The following ADAM10 variants were observed in gnomAD, a reference collection of about 807,000 sequenced individuals.
ADAM10 encodes the protein disintegrin and metalloproteinase domain-containing protein 10.
A neutral mutation model predicts 90.1 loss-of-function variants in ADAM10; 17 were observed. The ratio of observed to expected loss-of-function variants is 0.19; its 90% confidence interval spans 0.13 to 0.28. The LOEUF (loss-of-function observed/expected upper bound fraction) is 0.28. Among genes scored for constraint, ADAM10 ranks in the 10% least tolerant of loss-of-function variants. The probability of loss-of-function intolerance (pLI) is 1.00; values close to 1 mark genes in which losing one functional copy is unlikely to be tolerated. For missense variants in ADAM10, 610 were observed against 914.3 expected (o/e 0.67, Z 4.29); for synonymous variants, 310 against 298.6 (o/e 1.04, Z -0.40).
chr15:58,648,923 C>T (rs1896619915), intron 5 of ADAM10, among the ~76,000 whole-genome samples: 1 of 152,040 alleles, frequency 6.6e-6, no homozygotes, highest in African/African-American at 2.4e-5. Context: ...ACATCTTGTG[C>T]TGTTTTACTT....
chr15:58,640,919 G>C lies in ADAM10; in HGVS notation c.870C>G (p.Phe290Leu). Residue 290 changes from phenylalanine (F) to leucine (L), a missense_variant, in exon 8 of 16, where the codon TTC becomes TTG. Phe to Leu is a conservative substitution (Grantham distance 22). Coordinates refer to ENST00000260408, the MANE Select transcript of ADAM10 (RefSeq NM_001110.4). ...TCTCCACACCAATATTTGGGAAACG[G>C]AAAGGATTTGTAGGGTCCTTCTCAT... Reference protein sequence around the residue: ...TADEKDPTNPFRFPNIGVEKF... With the variant: ...TADEKDPTNPLRFPNIGVEKF... 1 of 1,614,088 alleles carries C rather than the reference G, an allele frequency of 6.2e-7. No individual in the cohort carries two copies. The highest frequency in any genetic ancestry group is 8.5e-7 in the Non-Finnish European group (1 of 1,179,972).
intron 1 of ADAM10, among the ~76,000 whole-genome samples, chr15:58,743,265 A>G (rs1383505952): frequency 2.6e-5 from 4 of 152,048 alleles, no homozygotes; most frequent in African/African-American, 7.2e-5. Context: ...CCTATCCACA[A>G]TTTATCTCAC....
chr15:58,668,939 C>T (rs768241343), intron 4 of ADAM10, among the ~76,000 whole-genome samples: 1 of 152,140 alleles, frequency 6.6e-6, no homozygotes, highest in Non-Finnish European at 1.5e-5. Flanking sequence ...TTGTCTAACA[C>T]TTTAAATTGT....
At chr15:58,676,899 G>C (rs559842966) in intron 4 of ADAM10, among the ~76,000 whole-genome samples, 1 of 152,230 alleles carries the variant, frequency 6.6e-6, no homozygotes, top group South Asian at 2.1e-4. Context: ...GGCTGTTCTC[G>C]TGCTACAATG....
intron 2 of ADAM10, among the ~76,000 whole-genome samples, chr15:58,683,530 A>G (rs1897501314): frequency 6.6e-6 from 1 of 152,140 alleles, no homozygotes; most frequent in East Asian, 1.9e-4. Context: ...ATGTAAGTGA[A>G]ATTACTTCCA....
intron 12 of ADAM10, chr15:58,611,531 T>A: frequency 2.7e-6 from 1 of 366,028 alleles, no homozygotes; most frequent in Non-Finnish European, 4.9e-6. Flanking sequence ...GCTACTGAAA[T>A]ATTATTTTAT....
At chr15:58,732,006 T>C (rs933667097) in intron 1 of ADAM10, among the ~76,000 whole-genome samples, 7 of 152,136 alleles carry the variant, frequency 4.6e-5, no homozygotes, top group Non-Finnish European at 7.4e-5. Flanking sequence ...CTGGTGTTTG[T>C]GAAGATCTGC....
intron 1 of ADAM10, chr15:58,747,803 T>C (rs1426683021): frequency 4.6e-5 from 7 of 152,356 alleles, no homozygotes; most frequent in Admixed American, 1.3e-4. Flanking sequence ...CAATTGTTTT[T>C]TCTTCAAATA....
intron 2 of ADAM10, chr15:58,691,121 C>A: frequency 1.5e-6 from 1 of 679,048 alleles, no homozygotes. Flanking sequence ...AGGTGCTGGT[C>A]ACAATGCGGC....
At position 58,735,006 on chromosome 15, in the gene ADAM10, G is replaced by C. The variant is rs571783699; in HGVS notation, c.55+14474C>G. The stretch of plus-strand genomic sequence containing the variant: ...TGCCTGTTCCCACATGCAGAGACTG[G>C]ACCTATCAACTGAGATTTATTTCTA... On this transcript the variant is annotated intron_variant, in intron 1 of 15. Coordinates refer to ENST00000260408, the MANE Select transcript of ADAM10 (RefSeq NM_001110.4). Among the ~76,000 whole-genome samples the C allele has an allele frequency of 3.3e-5, 5 of 152,248 alleles. No homozygotes were observed. The South Asian group carries it at 1.0e-3, about 32-fold the overall frequency.
At chr15:58,719,617 G>C (rs1192542710) in intron 1 of ADAM10, among the ~76,000 whole-genome samples, 1 of 152,166 alleles carries the variant, frequency 6.6e-6, no homozygotes, top group Non-Finnish European at 1.5e-5. Flanking sequence ...CTGGGTTCAA[G>C]TTCTAAGATT....
chr15:58,665,320 C>G, intron 4 of ADAM10, 123 bp from the exon 5 acceptor site: 1 of 815,974 alleles, frequency 1.2e-6, no homozygotes, highest in East Asian at 2.5e-5. Flanking sequence ...TTATTAAGCA[C>G]CTATGGAAAA....
At chr15:58,629,445 G>C (rs1230287396) in intron 9 of ADAM10, 1 of 152,148 alleles carries the variant, frequency 6.6e-6, no homozygotes. Flanking sequence ...CCAGCTATTT[G>C]CCATCCTCAG....
At position 58,749,580 on chromosome 15, in the gene ADAM10, G is replaced by A; in HGVS notation, c.-46C>T. On this transcript the variant is annotated 5_prime_UTR_variant, in exon 1 of 16. Transcript: ENST00000260408. ...GCCGCCGCCTCCTCACGGGTTAACAGCAGCACATCGATCCGGAGGGAGAAG... is the reference window on the plus strand; with the variant it reads ...GCCGCCGCCTCCTCACGGGTTAACAACAGCACATCGATCCGGAGGGAGAAG... 1 of 1,549,180 alleles carries A rather than the reference G, an allele frequency of 6.5e-7. No homozygotes were observed.
At chr15:58,701,819 A>T (rs1003800100) in intron 2 of ADAM10, among the ~76,000 whole-genome samples, 3 of 152,242 alleles carry the variant, frequency 2.0e-5, no homozygotes, top group Non-Finnish European at 4.4e-5. Context: ...AAATAATAAT[A>T]ATAAGGCCCG....
rs536730600 is a variant in ADAM10 at position 58,729,938 on chromosome 15, A to G, written c.56-12211T>C. Among the ~76,000 whole-genome samples the G allele has an allele frequency of 2.0e-5, 3 of 151,674 alleles. No individual in the cohort carries two copies. In the South Asian group the frequency reaches 6.3e-4, roughly 32 times the overall value. ...GACCGTGCCACTGTACTCCAGCGTA[A>G]GCAACAGAACGAGGCTCTGTAAAAA... On this transcript the variant is annotated intron_variant, in intron 1 of 15. Transcript: ENST00000260408.
intron 1 of ADAM10, among the ~76,000 whole-genome samples, chr15:58,737,700 C>T (rs1170660258): frequency 6.6e-6 from 1 of 152,130 alleles, no homozygotes; most frequent in Non-Finnish European, 1.5e-5. Context: ...TTTCCATATT[C>T]CATGGGTAGG....
At chr15:58,672,452 C>T (rs192371499) in intron 4 of ADAM10, 1 of 152,382 alleles carries the variant, frequency 6.6e-6, no homozygotes, top group African/African-American at 2.4e-5. Flanking sequence ...AAAGCCGTAT[C>T]TGCTAAAGAG....
At chr15:58,599,759 A>C (rs1428765263) in intron 14 of ADAM10, 35 bp from the exon 15 acceptor site, 1 of 1,601,846 alleles carries the variant, frequency 6.2e-7, no homozygotes. Context: ...TGAAAAAAAA[A>C]AAACTACAAA....
Sources: allele counts gnomAD v4.1 joint callset (sites outside exome capture counted in the v4.1 genomes callset), GRCh38; gene constraint gnomAD v4.1.1; transcripts MANE v1.5; gene names NCBI Gene and HGNC (gene_info 2026-07-23, HGNC 2026-07-21).